LMBR1: variants seen among roughly 807,000 people sequenced by gnomAD.
The protein encoded by LMBR1 is limb development membrane protein 1, also known as limb region 1 protein homolog.
In LMBR1, 52 loss-of-function variants were observed where a neutral mutation model predicts 73.9. The ratio of observed to expected loss-of-function variants is 0.70; its 90% CI spans 0.56 to 0.89. The LOEUF (loss-of-function observed/expected upper bound fraction) is 0.89, where lower values mean the gene tolerates loss of function less well. LMBR1 is among the 40% of genes least tolerant of loss of function. LMBR1 has a pLI of 0.00. For missense variants in LMBR1, 539 were observed against 579.8 expected (o/e 0.93, Z 0.72); for synonymous variants, 215 against 209.4 (o/e 1.03, Z -0.23).
At chr7:156,815,907 C>T (rs1010755137) in intron 4 of LMBR1, among the ~76,000 whole-genome samples, 2 of 151,550 alleles carry the variant, frequency 1.3e-5, no homozygotes, top group African/African-American at 4.8e-5. Flanking sequence ...ATAAAAGGGA[C>T]ATGTATGATT....
chr7:156,786,633 T>C (rs1828162865), intron 5 of LMBR1, among the ~76,000 whole-genome samples: 1 of 152,180 alleles, frequency 6.6e-6, no homozygotes, highest in Admixed American at 6.5e-5. Context: ...AACTATCAAA[T>C]TACTAAGAGT....
chr7:156,725,546 A>G, intron 13 of LMBR1, 21 bp from the exon 14 acceptor site: 1 of 1,516,890 alleles, frequency 6.6e-7, no homozygotes, highest in Non-Finnish European at 9.0e-7. Flanking sequence ...CAAGGAAAAA[A>G]ACTCTCCAAC....
intron 1 of LMBR1, chr7:156,872,016 C>T (rs1221577353): frequency 6.6e-6 from 1 of 152,148 alleles, no homozygotes. Flanking sequence ...TTGCATAAGA[C>T]ATAATCTTAG....
intron 1 of LMBR1, among the ~76,000 whole-genome samples, chr7:156,866,044 T>G (rs1019219626): frequency 6.7e-6 from 1 of 148,328 alleles, no homozygotes; most frequent in East Asian, 2.0e-4. Context: ...TTCTTGCATA[T>G]GACATTAAAA....
At chr7:156,828,021 G>C (rs964607490) in intron 3 of LMBR1, among the ~76,000 whole-genome samples, 1 of 152,178 alleles carries the variant, frequency 6.6e-6, no homozygotes, top group East Asian at 1.9e-4. Flanking sequence ...CTCTGGCAGC[G>C]ACCAGCCAGC....
intron 4 of LMBR1, among the ~76,000 whole-genome samples, chr7:156,797,728 G>A (rs954669142): frequency 6.6e-5 from 10 of 152,144 alleles, no homozygotes; most frequent in South Asian, 2.1e-4. Context: ...CAATTAATAC[G>A]GGTCAGCTGG....
intron 15 of LMBR1, among the ~76,000 whole-genome samples, chr7:156,714,512 G>A (rs1178637896): frequency 1.3e-5 from 2 of 152,216 alleles, no homozygotes; most frequent in Non-Finnish European, 2.9e-5. Context: ...TGTGAGGTTT[G>A]GAATGGCACG....
At chr7:156,892,747 T>TGGGGAGGGAA (rs1304481443) in intron 1 of LMBR1, among the ~76,000 whole-genome samples, 181 bp downstream of exon 1, 2 of 52,230 alleles carry the variant, frequency 3.8e-5, no homozygotes, top group African/African-American at 7.2e-5. Context: ...AGAGGAGAGG[T>TGGGGAGGGAA]GGGGAGGGAA....
chr7:156,793,258 A>T (rs1829537924), intron 5 of LMBR1, among the ~76,000 whole-genome samples: 1 of 152,252 alleles, frequency 6.6e-6, no homozygotes, highest in Non-Finnish European at 1.5e-5. Flanking sequence ...AAATGATTCT[A>T]GACTACAGAA....
intron 4 of LMBR1, among the ~76,000 whole-genome samples, chr7:156,820,484 T>G (rs1834591833): frequency 6.6e-6 from 1 of 152,180 alleles, no homozygotes; most frequent in Admixed American, 6.5e-5. Flanking sequence ...AGTGAGAAGT[T>G]AACAACCACT....
intron 4 of LMBR1, among the ~76,000 whole-genome samples, chr7:156,809,701 G>C (rs1229100078): frequency 1.3e-5 from 2 of 152,152 alleles, no homozygotes; most frequent in African/African-American, 4.8e-5. Context: ...TTGCTACACT[G>C]TCACAACGTC....
Position 156,685,125 on chromosome 7 carries a change from T to C in LMBR1, c.1388-962A>G, listed in dbSNP as rs1266197466. On this transcript the variant is annotated intron_variant, in intron 16 of 16. Coordinates refer to ENST00000353442, the MANE Select transcript of LMBR1 (RefSeq NM_022458.4). This position sits in a 1 kb window ranked among gnomAD's most constrained non-coding sequence, Gnocchi z 4.1. ...AAACTGAACATAAATAATATCTCACTACCCAAAGGTATTTCACAGAATAAA... is the reference window on the plus strand; with the variant it reads ...AAACTGAACATAAATAATATCTCACCACCCAAAGGTATTTCACAGAATAAA... Among the ~76,000 whole-genome samples, 1 of 152,200 alleles carries C rather than the reference T, an allele frequency of 6.6e-6. No homozygotes were observed. The highest frequency in any genetic ancestry group is 1.5e-5 in the Non-Finnish European group (1 of 68,018).
In LMBR1 at chr7:156,734,201, C is replaced by T. The variant is rs968780146; in HGVS notation, c.814G>A (p.Val272Ile). 13 of 1,609,170 alleles carry T rather than the reference C, an allele frequency of 8.1e-6. No individual in the cohort carries two copies. The highest frequency in any genetic ancestry group is 1.7e-5 in the Admixed American group (1 of 58,986). The change falls in exon 10 of 17, where the codon GTA (valine) becomes ATA (isoleucine). Residue 272 changes from valine (V) to isoleucine (I), a missense_variant. Coordinates refer to ENST00000353442, the MANE Select transcript of LMBR1 (RefSeq NM_022458.4). ...IMELEQELEN[V>I]KTLKTKLERR... ...CCTAATTTTGTCTTAAGAGTCTTTA[C>T]ATTTTCAAGTTCTTGTTCCAACTCC... is the stretch of plus-strand genomic sequence containing the variant.
chr7:156,669,519 G>T lies in LMBR1; in HGVS notation n.867-232C>A, dbSNP rs914230233. On this transcript the variant is annotated intron_variant and non_coding_transcript_variant, in intron 4 of 4. Transcript: ENST00000430825. This position sits in a 1 kb window ranked among gnomAD's most constrained non-coding sequence, Gnocchi z 4.2. ...ACGGCTTAGCATGTGGGAGGGGCAG[G>T]CTGGCAGAGTGTGAGCCGCTGGGCA... is the stretch of plus-strand genomic sequence containing the variant. Among the ~76,000 whole-genome samples, 24 of 152,192 alleles carry T rather than the reference G, an allele frequency of 1.6e-4. 1 individual carries two copies. Among genetic ancestry groups the T allele is most frequent in the Non-Finnish European group, 1.8e-4 (12 of 68,030 alleles).
chr7:156,682,613 A>G lies in LMBR1; in HGVS notation c.*1465T>C, dbSNP rs1805253029. ...AGCTCGGAAGGAAATGCAGACGTAT[A>G]AATAAGGGGGAAGTGTACTCAACAA... is the stretch of plus-strand genomic sequence containing the variant. On this transcript the variant is annotated 3_prime_UTR_variant, in exon 17 of 17. Coordinates refer to ENST00000353442, the MANE Select transcript of LMBR1 (RefSeq NM_022458.4). 6.6e-6 allele frequency: 1 copy of G among 152,238 alleles called. No homozygotes were observed. Among genetic ancestry groups the G allele is most frequent in the African/African-American group, 2.4e-5 (1 of 41,458 alleles). 9.4% of individuals were successfully genotyped at this position (152,238 alleles called of 1,614,324 possible). A position where few individuals can be genotyped will look rare whatever the true frequency, so the allele number is the denominator to read the frequency against.
chr7:156,676,616 C>T, downstream of LMBR1: 1 of 1,614,130 alleles, frequency 6.2e-7, no homozygotes. Flanking sequence ...CCTGTCCTCT[C>T]TGCCGCTCCT....
At chr7:156,716,407 C>T (rs1185184043) in intron 15 of LMBR1, among the ~76,000 whole-genome samples, 2 of 152,168 alleles carry the variant, frequency 1.3e-5, no homozygotes, top group African/African-American at 2.4e-5. Flanking sequence ...TAAATTTAGT[C>T]GTCCAGAACT....
At chr7:156,816,497 C>A (rs1251456094) in intron 4 of LMBR1, among the ~76,000 whole-genome samples, 1 of 152,114 alleles carries the variant, frequency 6.6e-6, no homozygotes, top group Non-Finnish European at 1.5e-5. Flanking sequence ...AGAAGGGTTC[C>A]AAATACCAGT....
At position 156,865,116 on chromosome 7, in the gene LMBR1, G is replaced by C. The variant is rs1798274138; in HGVS notation, c.66+27812C>G. ...GAGCTCAGCAGTTCAAGACCAGCCTGGGCAACATAGAGAGACGCCAGCTCT... is the reference window on the plus strand; with the variant it reads ...GAGCTCAGCAGTTCAAGACCAGCCTCGGCAACATAGAGAGACGCCAGCTCT... On this transcript the variant is annotated intron_variant, in intron 1 of 16. Transcript: ENST00000353442. 5.9e-5 allele frequency among the ~76,000 whole-genome samples: 9 copies of C among 151,844 alleles called. No homozygotes were observed. The South Asian group carries it at 1.9e-3, about 32-fold the overall frequency.
Sources: gnomAD v4.1 joint callset for allele counts (sites outside exome capture counted in the v4.1 genomes callset) on GRCh38, gnomAD v4.1.1 for gene constraint, Gnocchi (gnomAD v3.1) non-coding constraint, MANE v1.5 for transcripts, NCBI Gene and HGNC (gene_info 2026-07-23, HGNC 2026-07-21) for gene names.